ECHS1: variants seen among roughly 807,000 people sequenced by gnomAD.
ECHS1 encodes enoyl-CoA hydratase, short chain 1.
Under a neutral mutation model 33.5 loss-of-function variants are expected in ECHS1, and 19 were observed. That is an observed-to-expected ratio of 0.57 (90% CI 0.40 to 0.83). The LOEUF (loss-of-function observed/expected upper bound fraction) is 0.83, where lower values mean the gene tolerates loss of function less well. Among genes scored for constraint, ECHS1 ranks in the 40% least tolerant of loss-of-function variants. ECHS1 has a pLI of 0.00. For synonymous variants in ECHS1, 158 were observed against 146.6 expected, an observed-to-expected ratio of 1.08 and a Z score of -0.56; for missense variants, 365 against 381.3, an observed-to-expected ratio of 0.96 and a Z score of 0.36.
At chr10:133,364,523 T>C in intron 7 of ECHS1, 135 bp downstream of exon 7, 1 of 695,416 alleles carries the variant, frequency 1.4e-6, no homozygotes. Context: ...GGAACCAATC[T>C]GATCCCGTTA....
intron 1 of ECHS1, 84 bp downstream of exon 1, chr10:133,373,162 G>C (rs983733434): frequency 1.8e-6 from 2 of 1,107,764 alleles, no homozygotes; most frequent in Admixed American, 4.5e-5. Context: ...CAGGTGGGAG[G>C]GGGGTGCGGT....
chr10:133,371,577 G>A (rs1392519377), intron 1 of ECHS1: 1 of 154,528 alleles, frequency 6.5e-6, no homozygotes, highest in East Asian at 1.9e-4. Flanking sequence ...TCAGGCACAG[G>A]TCCGGAGCAG....
intron 1 of ECHS1, among the ~76,000 whole-genome samples, chr10:133,372,541 G>A (rs920943981): frequency 3.3e-5 from 5 of 152,162 alleles, no homozygotes; most frequent in Non-Finnish European, 5.9e-5. Flanking sequence ...TCTTAGAGCC[G>A]AGGGAACACC....
At chr10:133,365,161 G>A (rs1255020722) in intron 6 of ECHS1, among the ~76,000 whole-genome samples, 5 of 152,222 alleles carry the variant, frequency 3.3e-5, no homozygotes, top group East Asian at 1.9e-4. Context: ...TTCTTTGCAC[G>A]AGGCCAAGCA....
chr10:133,370,153 C>T (rs966974240), intron 2 of ECHS1, 122 bp from the exon 3 acceptor site: 23 of 1,373,994 alleles, frequency 1.7e-5, no homozygotes, highest in Admixed American at 7.1e-5. Context: ...TTGCTGGGCA[C>T]GGCTGACACC....
intron 2 of ECHS1, 72 bp from the exon 3 acceptor site, chr10:133,370,103 A>G: frequency 1.9e-6 from 3 of 1,583,520 alleles, no homozygotes. Context: ...CTCTCAGACC[A>G]ACAAGGAACT....
At chr10:133,370,471 G>A in intron 2 of ECHS1, 89 bp downstream of exon 2, 1 of 1,346,120 alleles carries the variant, frequency 7.4e-7, no homozygotes, top group Admixed American at 3.1e-5. Flanking sequence ...TGCCATCACA[G>A]AGGCGCAAAT....
intron 7 of ECHS1, among the ~76,000 whole-genome samples, chr10:133,363,827 C>CT (rs1422014938): frequency 6.6e-6 from 1 of 152,148 alleles, no homozygotes; most frequent in South Asian, 2.1e-4. Flanking sequence ...AGAGGAATTA[C>CT]TTTAAGTTAC....
rs1196733659 is a variant in ECHS1 at position 133,362,944 on chromosome 10, A to T, written c.808-11T>A. 1.2e-6 allele frequency: 2 copies of T among 1,614,064 alleles called. No homozygotes were observed. The highest frequency in any genetic ancestry group is 1.7e-6 in the Non-Finnish European group (2 of 1,180,008). Reference sequence around the variant, plus strand: ...TTCTTTCCGGTCATCCTGGCAGGAAAAGGAACAGAAACAGAGCTGGACGCG... The same window carrying T: ...TTCTTTCCGGTCATCCTGGCAGGAATAGGAACAGAAACAGAGCTGGACGCG... On this transcript the variant is annotated splice_polypyrimidine_tract_variant and intron_variant, in intron 7 of 7. Coordinates refer to ENST00000368547, the MANE Select transcript of ECHS1 (RefSeq NM_004092.4).
intron 6 of ECHS1, 59 bp downstream of exon 6, chr10:133,365,917 G>A (rs1589880414): frequency 3.1e-6 from 5 of 1,598,188 alleles, no homozygotes; most frequent in Middle Eastern, 1.7e-4. Context: ...GCCTGCTGCT[G>A]AGGAATGCTC....
chr10:133,369,188 A>G (rs1849072037), intron 3 of ECHS1, among the ~76,000 whole-genome samples, 166 bp from the exon 4 acceptor site: 1 of 152,164 alleles, frequency 6.6e-6, no homozygotes, highest in Admixed American at 6.5e-5. Context: ...TTAACTACAG[A>G]TGGTTGATGC....
intron 1 of ECHS1, among the ~76,000 whole-genome samples, chr10:133,372,527 C>T (rs773639286): frequency 7.9e-5 from 12 of 152,178 alleles, no homozygotes; most frequent in Non-Finnish European, 1.0e-4. Context: ...GGAGCTACGC[C>T]TGCTCTTAGA....
rs1477746457 is a variant in ECHS1, at chr10:133,370,015, C to G, written c.303G>C (p.Lys101Asn). 2 of 1,613,700 alleles carry G rather than the reference C, an allele frequency of 1.2e-6. No individual in the cohort carries two copies. Among genetic ancestry groups the G allele is most frequent in the Non-Finnish European group, 1.7e-6 (2 of 1,179,964 alleles). ...DKAFAAGADI[K>N]EMQNLSFQDC... ...CCTGGAAACTCAGGTTCTGCATTTC[C>G]TTGATATCAGCTCCAGCTAGCAGGA... The change falls in exon 3 of 8, where the codon AAG (lysine) becomes AAC (asparagine). Residue 101 changes from lysine to asparagine, a missense_variant. Coordinates refer to ENST00000368547, the MANE Select transcript of ECHS1 (RefSeq NM_004092.4).
intron 6 of ECHS1, 33 bp from the exon 7 acceptor site, chr10:133,364,758 G>A (rs1440396441): frequency 3.8e-6 from 6 of 1,561,066 alleles, no homozygotes; most frequent in African/African-American, 1.4e-5. Flanking sequence ...TATGAACGGA[G>A]ATATTACATG....
chr10:133,367,945 C>A (rs1386923813), intron 4 of ECHS1, among the ~76,000 whole-genome samples: 1 of 152,192 alleles, frequency 6.6e-6, no homozygotes, highest in African/African-American at 2.4e-5. Flanking sequence ...GATTCACCGT[C>A]CTCACCCTGC....
rs998196658 is a variant in ECHS1 at position 133,362,603 on chromosome 10, G to A, written c.*265C>T. On this transcript the variant is annotated 3_prime_UTR_variant, in exon 8 of 8. Transcript: ENST00000368547. Reference sequence around the variant, plus strand: ...CAAGGACCCGCAGGCCCCGCTTTCCGTCCGAGCACAGCATGCCCAGAGGGA... The same window carrying A: ...CAAGGACCCGCAGGCCCCGCTTTCCATCCGAGCACAGCATGCCCAGAGGGA... 12 of 520,036 alleles carry A rather than the reference G, an allele frequency of 2.3e-5. No individual in the cohort carries two copies. In the South Asian group the frequency reaches 2.4e-4, roughly 11 times the overall value. The allele number at this position is 520,036 out of a possible 1,614,324, so 32.2% of individuals were successfully genotyped here.
At chr10:133,371,084 T>C (rs1256592331) in intron 1 of ECHS1, among the ~76,000 whole-genome samples, 1 of 152,196 alleles carries the variant, frequency 6.6e-6, no homozygotes. Context: ...GAGACCATCC[T>C]GGCTAACACG....
chr10:133,365,358 G>A (rs1001384659), intron 6 of ECHS1, among the ~76,000 whole-genome samples: 2 of 152,330 alleles, frequency 1.3e-5, no homozygotes, highest in South Asian at 2.1e-4. Context: ...CCACACCCTC[G>A]AGATAAATGC....
intron 1 of ECHS1, among the ~76,000 whole-genome samples, chr10:133,372,312 A>G (rs182934746): frequency 3.7e-4 from 57 of 152,328 alleles, no homozygotes; most frequent in Admixed American, 3.7e-3. Flanking sequence ...GGCATGGCCC[A>G]AGATTCCTCA....
Sources: gnomAD v4.1 joint callset for allele counts (sites outside exome capture counted in the v4.1 genomes callset) on GRCh38, gnomAD v4.1.1 for gene constraint, MANE v1.5 for transcripts, NCBI Gene and HGNC (gene_info 2026-07-23, HGNC 2026-07-21) for gene names.